Variants in FPR3 observed in about 807,000 individuals in gnomAD.
FPR3 encodes N-formyl peptide receptor 3.
For synonymous variants in FPR3, 135 were observed against 163.6 expected (o/e 0.83, Z 1.34); for missense variants, 346 against 443.2 (o/e 0.78, Z 1.97).
intron 1 of FPR3, among the ~76,000 whole-genome samples, chr19:51,803,538 G>A (rs1350313649): frequency 2.0e-5 from 3 of 151,146 alleles, no homozygotes; most frequent in African/African-American, 7.3e-5. Context: ...CATTTCCAAG[G>A]CAGAGCAGTT....
intron 1 of FPR3, among the ~76,000 whole-genome samples, chr19:51,801,020 T>C (rs1430549658): frequency 1.3e-5 from 2 of 152,164 alleles, no homozygotes; most frequent in African/African-American, 4.8e-5. Context: ...CTTCCCCTTT[T>C]ACTCTTATCA....
intron 1 of FPR3, among the ~76,000 whole-genome samples, chr19:51,802,662 A>G (rs759009246): frequency 2.0e-5 from 3 of 152,186 alleles, no homozygotes; most frequent in Non-Finnish European, 2.9e-5. Flanking sequence ...ATTAAAGGGA[A>G]AACTTAATTA....
chr19:51,799,386 C>G (rs1266124075), intron 1 of FPR3, among the ~76,000 whole-genome samples: 1 of 152,194 alleles, frequency 6.6e-6, no homozygotes, highest in Admixed American at 6.5e-5. Context: ...GTCCTGACCT[C>G]TGGTGGCTGC....
chr19:51,799,178 T>A (rs2084015813), intron 1 of FPR3, among the ~76,000 whole-genome samples: 1 of 152,196 alleles, frequency 6.6e-6, no homozygotes, highest in South Asian at 2.1e-4. Flanking sequence ...CCCCGTCAGC[T>A]CTCTTTCTGC....
intron 1 of FPR3, among the ~76,000 whole-genome samples, chr19:51,796,745 A>T (rs1259009703): frequency 6.6e-6 from 1 of 152,218 alleles, no homozygotes; most frequent in Non-Finnish European, 1.5e-5. Flanking sequence ...TAGATACAGA[A>T]TATTGGAAGA....
chr19:51,813,119 A>AACACACACACACACACAC (rs35245083), intron 1 of FPR3, among the ~76,000 whole-genome samples: 2 of 137,122 alleles, frequency 1.5e-5, no homozygotes, highest in Admixed American at 7.4e-5. Context: ...GCTCTGTCTC[A>AACACACACACACACACAC]ACACACACAC....
At chr19:51,810,958 C>G (rs746817889) in intron 1 of FPR3, among the ~76,000 whole-genome samples, 2 of 152,160 alleles carry the variant, frequency 1.3e-5, no homozygotes, top group Non-Finnish European at 2.9e-5. Context: ...TCTAGTTCTG[C>G]TACCAAAGGA....
intron 1 of FPR3, chr19:51,804,808 G>C (rs137872377): frequency 6.6e-6 from 1 of 152,336 alleles, no homozygotes; most frequent in African/African-American, 2.4e-5. Context: ...AGAGACAAAA[G>C]AGTATATTTG....
At chr19:51,819,510 T>C (rs758992025) in intron 1 of FPR3, among the ~76,000 whole-genome samples, 2 of 152,110 alleles carry the variant, frequency 1.3e-5, no homozygotes, top group East Asian at 3.8e-4. Flanking sequence ...AAAAAATGTG[T>C]TTGAAGTAGG....
chr19:51,814,854 G>C (rs2084122982), intron 1 of FPR3, among the ~76,000 whole-genome samples: 1 of 151,744 alleles, frequency 6.6e-6, no homozygotes, highest in African/African-American at 2.4e-5. Context: ...CTGTCCCACA[G>C]GCTGGAGTGC....
At chr19:51,822,078 G>A (rs576310408) in intron 1 of FPR3, among the ~76,000 whole-genome samples, 18 of 152,270 alleles carry the variant, frequency 1.2e-4, no homozygotes, top group African/African-American at 4.3e-4. Flanking sequence ...AGCAAATTTG[G>A]TCAAGTGGCA....
At chr19:51,814,166 A>G (rs1350263858) in intron 1 of FPR3, among the ~76,000 whole-genome samples, 1 of 152,188 alleles carries the variant, frequency 6.6e-6, no homozygotes, top group Non-Finnish European at 1.5e-5. Flanking sequence ...GGGAGAAAAG[A>G]AAAAATAGTT....
At chr19:51,813,782 C>T (rs538509048) in intron 1 of FPR3, among the ~76,000 whole-genome samples, 194 of 152,338 alleles carry the variant, frequency 1.3e-3, no homozygotes, top group African/African-American at 4.4e-3. Context: ...GATCCACCCA[C>T]CTCGGCCTCC....
intron 1 of FPR3, among the ~76,000 whole-genome samples, chr19:51,799,319 G>A (rs932070913): frequency 4.6e-5 from 7 of 152,132 alleles, no homozygotes; most frequent in African/African-American, 1.2e-4. Flanking sequence ...TCCAACCCAC[G>A]ATGTGAGGCT....
chr19:51,795,654 C>G (rs2083993892), intron 1 of FPR3, among the ~76,000 whole-genome samples: 1 of 151,566 alleles, frequency 6.6e-6, no homozygotes, highest in Admixed American at 6.6e-5. Flanking sequence ...GCTGGGATTA[C>G]AGGCACCTGC....
intron 1 of FPR3, among the ~76,000 whole-genome samples, chr19:51,801,508 C>A (rs886191958): frequency 2.6e-5 from 4 of 152,174 alleles, no homozygotes; most frequent in African/African-American, 4.8e-5. Context: ...CGGCCGGACG[C>A]GGTGGCTCAC....
intron 1 of FPR3, among the ~76,000 whole-genome samples, chr19:51,820,293 T>C (rs988105678): frequency 2.6e-5 from 4 of 152,238 alleles, no homozygotes; most frequent in African/African-American, 7.2e-5. Context: ...CTCTCAATAA[T>C]TGTGACATTG....
intron 1 of FPR3, among the ~76,000 whole-genome samples, chr19:51,813,119 A>AACACAC (rs35245083): frequency 0.014 from 1,944 of 137,164 alleles, 34 homozygotes; most frequent in Admixed American, 0.029. Flanking sequence ...GCTCTGTCTC[A>AACACAC]ACACACACAC....
At chr19:51,809,770 C>T (rs1342651800) in intron 1 of FPR3, among the ~76,000 whole-genome samples, 10 of 152,174 alleles carry the variant, frequency 6.6e-5, no homozygotes, top group Admixed American at 2.6e-4. Context: ...CCCCAACTAA[C>T]ATTACCCATT....
Sources: allele counts gnomAD v4.1 joint callset (sites outside exome capture counted in the v4.1 genomes callset), GRCh38; gene constraint gnomAD v4.1.1; transcripts MANE v1.5; gene names NCBI Gene and HGNC (gene_info 2026-07-23, HGNC 2026-07-21).